Variants in HELZ observed in about 807,000 individuals in gnomAD.
HELZ encodes ATP-dependent RNA helicase with zinc finger domain.
HELZ carries 23 observed loss-of-function variants against 218.2 expected under a neutral mutation model. That is an observed-to-expected ratio of 0.11 (90% confidence interval 0.08 to 0.15). The LOEUF (loss-of-function observed/expected upper bound fraction) is 0.15. HELZ is among the 10% of genes least tolerant of loss of function. The pLI is 1.00. For missense variants in HELZ, 1,813 were observed against 2,353.7 expected, an observed-to-expected ratio of 0.77 and a Z score of 4.75; for synonymous variants, 814 against 829.4, an observed-to-expected ratio of 0.98 and a Z score of 0.32.
rs1248813432 is a variant in HELZ at position 67,178,847 on chromosome 17, T to C, written c.1242A>G (p.Ile414Met). The C allele has an allele frequency of 1.2e-6, 2 of 1,613,422 alleles. No individual in the cohort carries two copies. Among genetic ancestry groups the C allele is most frequent in the African/African-American group, 2.7e-5 (2 of 74,924 alleles). Reference protein sequence around the residue: ...KRWDSSSKTIIDFEPNETTDL... With the variant: ...KRWDSSSKTIMDFEPNETTDL... ...CAGTAGTTTCATTAGGTTCAAAATC[T>C]ATAATAGTCTTAGAGGAAGAATCCC... Residue 414 changes from isoleucine (I) to methionine (M), a missense_variant, in exon 13 of 33, where the codon ATA (isoleucine) becomes ATG (methionine). Physicochemically the swap from Ile to Met is conservative, Grantham distance 10. Around this residue, in one of 4 missense-constraint regions of HELZ, gnomAD observed 714 missense variants for 1,029.2 expected, o/e 0.69. Transcript: ENST00000358691.
chr17:67,078,293 T>C lies in HELZ; in HGVS notation c.5788A>G (p.Ser1930Gly). 1 of 1,613,898 alleles carries C rather than the reference T, an allele frequency of 6.2e-7. No homozygotes were observed. The highest frequency in any genetic ancestry group is 8.5e-7 in the Non-Finnish European group (1 of 1,179,908). ...TAAAAGCCATTGCTGCCAGATGAGC[T>C]CCCTAGGCTCAGTTCCTGGAAGAGA... ...LSLFQELSLGSSSGSNGFYSY... is the reference protein window; with the variant it reads ...LSLFQELSLGGSSGSNGFYSY... Residue 1930 changes from serine to glycine, a missense_variant, in exon 33 of 33, where the codon AGC becomes GGC. Physicochemically the swap from Ser to Gly is moderately conservative, Grantham distance 56. This residue lies in a region of HELZ where 938 missense variants were observed against 1,027.5 expected (regional missense o/e 0.91). Transcript: ENST00000358691.
At chr17:67,104,505 C>A (rs771586694) in intron 31 of HELZ, among the ~76,000 whole-genome samples, 7 of 150,858 alleles carry the variant, frequency 4.6e-5, no homozygotes, top group South Asian at 2.1e-4. Context: ...TGGATTAGGC[C>A]AGGGTTTCTT....
intron 27 of HELZ, among the ~76,000 whole-genome samples, chr17:67,118,290 A>G (rs966521377): frequency 3.3e-5 from 5 of 152,220 alleles, no homozygotes; most frequent in African/African-American, 4.8e-5. Flanking sequence ...TGCTGGAATC[A>G]CTGAACATAC....
intron 17 of HELZ, among the ~76,000 whole-genome samples, chr17:67,152,367 T>G (rs1567845304): frequency 6.6e-6 from 1 of 152,062 alleles, no homozygotes; most frequent in East Asian, 1.9e-4. Context: ...AGTTACAAGG[T>G]TACTGTTAAG....
chr17:67,117,018 G>C (rs930977164), intron 27 of HELZ, among the ~76,000 whole-genome samples: 1 of 151,932 alleles, frequency 6.6e-6, no homozygotes, highest in Non-Finnish European at 1.5e-5. Flanking sequence ...CACCACACCC[G>C]GCTAATCTTG....
At chr17:67,137,197 A>C (rs1265507365) in intron 22 of HELZ, among the ~76,000 whole-genome samples, 4 of 152,164 alleles carry the variant, frequency 2.6e-5, no homozygotes, top group Non-Finnish European at 5.9e-5. Context: ...ACAAATCTCA[A>C]TACAATGCTG....
At chr17:67,204,211 T>C (rs1395545147) in intron 5 of HELZ, among the ~76,000 whole-genome samples, 2 of 152,230 alleles carry the variant, frequency 1.3e-5, no homozygotes, top group Non-Finnish European at 2.9e-5. Flanking sequence ...TCCAAGGAAA[T>C]GTTTCTTTTT....
chr17:67,113,468 G>A (rs1202696295), intron 28 of HELZ, among the ~76,000 whole-genome samples: 1 of 152,096 alleles, frequency 6.6e-6, no homozygotes, highest in Non-Finnish European at 1.5e-5. Context: ...CACCGTGTTA[G>A]CCTGGATAGT....
At chr17:67,116,365 A>G (rs2037426390) in intron 27 of HELZ, among the ~76,000 whole-genome samples, 1 of 152,172 alleles carries the variant, frequency 6.6e-6, no homozygotes, top group South Asian at 2.1e-4. Flanking sequence ...AAACACCCCA[A>G]TTAAAAGGCA....
At chr17:67,142,172 G>C (rs559452111) in intron 21 of HELZ, among the ~76,000 whole-genome samples, 2 of 152,064 alleles carry the variant, frequency 1.3e-5, no homozygotes, top group Non-Finnish European at 2.9e-5. Flanking sequence ...GAAAAAAAGG[G>C]CTGAGGTAAA....
chr17:67,136,657 CCT>C (rs2038161261), intron 22 of HELZ, among the ~76,000 whole-genome samples: 1 of 152,050 alleles, frequency 6.6e-6, no homozygotes, highest in Admixed American at 6.6e-5. Flanking sequence ...CATGGATGAA[CCT>C]TGAAGGCATT....
intron 31 of HELZ, among the ~76,000 whole-genome samples, chr17:67,096,330 A>C (rs2036747112): frequency 6.6e-6 from 1 of 152,186 alleles, no homozygotes. Flanking sequence ...ACTGGTTTCA[A>C]CTTAAAGTTC....
At chr17:67,103,112 T>TA (rs1180522823) in intron 31 of HELZ, among the ~76,000 whole-genome samples, 1 of 152,102 alleles carries the variant, frequency 6.6e-6, no homozygotes, top group Non-Finnish European at 1.5e-5. Context: ...AAAAACATCA[T>TA]AAGTGATATC....
chr17:67,224,662 T>C, intron 3 of HELZ: 1 of 671,540 alleles, frequency 1.5e-6, no homozygotes, highest in Non-Finnish European at 2.7e-6. Context: ...CTTAGTGTGA[T>C]ATATGATTCT....
intron 19 of HELZ, among the ~76,000 whole-genome samples, chr17:67,149,167 G>A (rs1000786547): frequency 6.6e-6 from 1 of 152,104 alleles, no homozygotes; most frequent in Non-Finnish European, 1.5e-5. Flanking sequence ...GAAGTATAAG[G>A]AGCCATTCAT....
intron 13 of HELZ, chr17:67,176,179 C>T (rs2039451051): frequency 1.3e-5 from 2 of 152,258 alleles, no homozygotes; most frequent in African/African-American, 4.8e-5. Flanking sequence ...CCAACCAGAA[C>T]ATTTTGCTTT....
intron 18 of HELZ, 111 bp from the exon 19 acceptor site, chr17:67,150,096 G>A (rs1423228276): frequency 1.8e-6 from 1 of 541,612 alleles, no homozygotes. Context: ...GCTAATCTAA[G>A]AGTATTGAGT....
At chr17:67,199,649 A>C (rs73330319) in intron 7 of HELZ, among the ~76,000 whole-genome samples, 12,240 of 152,272 alleles carry the variant, frequency 0.08, 1,618 homozygotes, top group African/African-American at 0.27. Context: ...CATAAGACAA[A>C]GAAAATGAAA....
chr17:67,155,098 G>C (rs529899143), intron 17 of HELZ, among the ~76,000 whole-genome samples: 1 of 152,162 alleles, frequency 6.6e-6, no homozygotes, highest in Non-Finnish European at 1.5e-5. Context: ...TACCTCTTAC[G>C]AACTTTGTCA....
Sources: gnomAD v4.1 joint callset for allele counts (sites outside exome capture counted in the v4.1 genomes callset) on GRCh38, gnomAD v4.1.1 for gene constraint, gnomAD v4.1.1 regional missense constraint, MANE v1.5 for transcripts, NCBI Gene and HGNC (gene_info 2026-07-23, HGNC 2026-07-21) for gene names.